The following NAV1 variants were observed in gnomAD, a reference collection of about 807,000 sequenced individuals.
NAV1 encodes pore membrane and/or filament interacting like protein 3.
Under a neutral mutation model 175.2 loss-of-function variants are expected in NAV1, and 18 were observed. That is an observed-to-expected ratio of 0.10 (90% CI 0.07 to 0.15). NAV1 has a LOEUF of 0.15. NAV1 is among the 10% of genes least tolerant of loss of function. The pLI is 1.00. For missense variants in NAV1, 1,731 were observed against 2,436.6 expected, an observed-to-expected ratio of 0.71 and a Z score of 6.10; for synonymous variants, 897 against 978.7, an observed-to-expected ratio of 0.92 and a Z score of 1.56.
chr1:201,657,241 G>A (rs1669440615), intron 1 of NAV1, among the ~76,000 whole-genome samples: 1 of 152,146 alleles, frequency 6.6e-6, no homozygotes, highest in South Asian at 2.1e-4. Context: ...TAGGCAGGTG[G>A]GTGTTCTGTT....
chr1:201,607,179 G>T (rs1667709374), intron 2 of NAV1, among the ~76,000 whole-genome samples: 1 of 150,514 alleles, frequency 6.6e-6, no homozygotes, highest in Non-Finnish European at 1.5e-5. Context: ...GCAGTGGCAG[G>T]ATCTCAGCTC....
At chr1:201,548,458 T>C (rs966847204) in intron 1 of NAV1, among the ~76,000 whole-genome samples, 4 of 152,114 alleles carry the variant, frequency 2.6e-5, no homozygotes, top group African/African-American at 9.7e-5. Flanking sequence ...GAAGCTGATA[T>C]AGGAGGATCG....
chr1:201,777,694 T>C (rs980203757), intron 3 of NAV1, among the ~76,000 whole-genome samples: 5 of 152,160 alleles, frequency 3.3e-5, no homozygotes, highest in African/African-American at 1.2e-4. Context: ...CTCACACCTA[T>C]AATCCCAGCA....
In NAV1 at chr1:201,634,449, C is replaced by T. The variant is rs530390832; in HGVS notation, c.4+4942C>T. Among the ~76,000 whole-genome samples the T allele has an allele frequency of 4.6e-5, 7 of 152,252 alleles. No individual in the cohort carries two copies. The East Asian group carries it at 1.4e-3, about 29-fold the overall frequency. On this transcript the variant is annotated intron_variant, in intron 2 of 29. Transcript: ENST00000367302. ...CTTAACCATACGTTCTATGACCTCA[C>T]TGGAGGGGAAGATGACTCAAGTCTG...
chr1:201,743,464 C>A (rs1046907856), intron 3 of NAV1, among the ~76,000 whole-genome samples: 5 of 152,230 alleles, frequency 3.3e-5, no homozygotes, highest in African/African-American at 1.2e-4. Context: ...ATTGCATAGC[C>A]TCTAGCCTCA....
At chr1:201,715,453 C>T (rs944198844) in intron 2 of NAV1, among the ~76,000 whole-genome samples, 39 of 152,214 alleles carry the variant, frequency 2.6e-4, no homozygotes, top group Admixed American at 6.5e-5. Context: ...AGCCACCACG[C>T]CCTGCCGGCT....
chr1:201,583,064 C>T (rs534630526), intron 1 of NAV1, among the ~76,000 whole-genome samples: 7 of 152,382 alleles, frequency 4.6e-5, no homozygotes, highest in Non-Finnish European at 8.8e-5. Flanking sequence ...CAAGGCCTGG[C>T]ATTGTGCAGC....
intron 1 of NAV1, among the ~76,000 whole-genome samples, chr1:201,702,135 A>G (rs1671451768): frequency 2.0e-5 from 3 of 152,270 alleles, no homozygotes; most frequent in Admixed American, 2.0e-4. Flanking sequence ...GCAAAAGGCC[A>G]CATATTGCAT....
intron 3 of NAV1, among the ~76,000 whole-genome samples, chr1:201,753,065 T>C (rs1240394909): frequency 6.6e-6 from 1 of 152,068 alleles, no homozygotes; most frequent in Non-Finnish European, 1.5e-5. Context: ...CTGTCTGGGA[T>C]CCGAGAAGGA....
rs377260594 is a variant in NAV1, at chr1:201,788,447, C to G, written c.2996-21C>G. 3.1e-6 allele frequency: 5 copies of G among 1,613,570 alleles called. No homozygotes were observed. The highest frequency in any genetic ancestry group is 2.7e-5 in the African/African-American group (2 of 74,904). ...TGCCCTCCTGCTCCCTCTCCTGTCC[C>G]CCTTCCCTCTGTCCTTCCAGTGAGT... On this transcript the variant is annotated intron_variant, in intron 9 of 29. Transcript: ENST00000367296. The surrounding 1 kb of genome is among the most constrained non-coding windows in gnomAD (Gnocchi z 5.7).
intron 1 of NAV1, among the ~76,000 whole-genome samples, chr1:201,654,174 T>A (rs1669310413): frequency 6.6e-6 from 1 of 152,186 alleles, no homozygotes; most frequent in Non-Finnish European, 1.5e-5. Flanking sequence ...AGAGCTACTC[T>A]GGCTCCCTGA....
rs1336038326 is a variant in NAV1, at chr1:201,807,173, C to G, written c.3649-780C>G. Reference sequence around the variant, plus strand: ...CACCCAAGCTCATCAACACCAAGATCAAACAAGCTATGGTCAGATTATAAT... The same window carrying G: ...CACCCAAGCTCATCAACACCAAGATGAAACAAGCTATGGTCAGATTATAAT... On this transcript the variant is annotated intron_variant, in intron 17 of 29. Transcript: ENST00000367296. This position sits in a 1 kb window ranked among gnomAD's most constrained non-coding sequence, Gnocchi z 5.4. Among the ~76,000 whole-genome samples the G allele has an allele frequency of 6.6e-6, 1 of 152,104 alleles. No individual in the cohort carries two copies. Among genetic ancestry groups the G allele is most frequent in the Non-Finnish European group, 1.5e-5 (1 of 68,026 alleles).
In NAV1 at chr1:201,571,999, C is replaced by T. The variant is rs151314132; in HGVS notation, c.-143-16540C>T. ...TAAGGAATTATTAACACTTCACTCA[C>T]TCAGTCATTCACTCATCTGATCGCT... On this transcript the variant is annotated intron_variant, in intron 1 of 33. Transcript: ENST00000685211. 1.6e-3 allele frequency among the ~76,000 whole-genome samples: 238 copies of T among 152,338 alleles called. 1 individual carries two copies. The highest frequency in any genetic ancestry group is 5.4e-3 in the African/African-American group (226 of 41,580).
At chr1:201,634,550 C>A (rs1668562526) in intron 2 of NAV1, among the ~76,000 whole-genome samples, 1 of 151,996 alleles carries the variant, frequency 6.6e-6, no homozygotes, top group African/African-American at 2.4e-5. Flanking sequence ...AAGGAAGAGG[C>A]CAGATAAGTA....
chr1:201,567,496 C>T (rs1422988431), intron 1 of NAV1, among the ~76,000 whole-genome samples: 1 of 152,216 alleles, frequency 6.6e-6, no homozygotes, highest in Non-Finnish European at 1.5e-5. Context: ...AGAGCTCAGC[C>T]ACCCCTCTTG....
At chr1:201,610,544 A>C (rs1360999367) in intron 2 of NAV1, among the ~76,000 whole-genome samples, 1 of 152,212 alleles carries the variant, frequency 6.6e-6, no homozygotes, top group Non-Finnish European at 1.5e-5. Flanking sequence ...GGAGGAATGC[A>C]GTGAACATCT....
At chr1:201,819,058 A>G (rs1319128039) in intron 29 of NAV1, among the ~76,000 whole-genome samples, 1 of 152,236 alleles carries the variant, frequency 6.6e-6, no homozygotes, top group Non-Finnish European at 1.5e-5. Flanking sequence ...ACATAGAGGT[A>G]TTTAGACTTG....
In NAV1 at chr1:201,602,389, G is replaced by C. The variant is rs1026332562; in HGVS notation, c.-33+13740G>C. ...TGGAGTCTCGTTCTGTCACCCAGGC[G>C]GGAGTACAGTGGCGCGGTCTCGGCT... is the stretch of plus-strand genomic sequence containing the variant. On this transcript the variant is annotated intron_variant, in intron 2 of 33. Coordinates refer to the NAV1 transcript ENST00000685211. Among the ~76,000 whole-genome samples the C allele has an allele frequency of 2.0e-5, 3 of 151,896 alleles. No individual in the cohort carries two copies. The South Asian group carries it at 6.2e-4, about 32-fold the overall frequency.
chr1:201,621,909 C>T (rs1240201304), upstream of NAV1, among the ~76,000 whole-genome samples: 1 of 152,086 alleles, frequency 6.6e-6, no homozygotes, highest in African/African-American at 2.4e-5. Flanking sequence ...GCTTTAAATT[C>T]CCTTTGAAAT....
Sources: gnomAD v4.1 joint callset for allele counts (sites outside exome capture counted in the v4.1 genomes callset) on GRCh38, gnomAD v4.1.1 for gene constraint, Gnocchi (gnomAD v3.1) non-coding constraint, MANE v1.5 for transcripts, NCBI Gene and HGNC (gene_info 2026-07-23, HGNC 2026-07-21) for gene names.